CHRNA10: variants seen among roughly 807,000 people sequenced by gnomAD.
The protein encoded by CHRNA10 is cholinergic receptor nicotinic alpha 10 subunit.
CHRNA10 carries 31 observed loss-of-function variants against 36.0 expected under a neutral mutation model. That is an observed-to-expected ratio of 0.86 (90% confidence interval 0.65 to 1.16). CHRNA10 has a LOEUF of 1.16. Ranked by LOEUF, CHRNA10 falls within the 50% of genes most tolerant of loss-of-function variation. The pLI is 0.00. For synonymous variants in CHRNA10, 302 were observed against 287.0 expected (o/e 1.05, Z -0.53); for missense variants, 648 against 640.9 (o/e 1.01, Z -0.12).
chr11:3,666,354 G>A lies in CHRNA10; in HGVS notation c.1106C>T (p.Pro369Leu). The change falls in exon 5 of 5, where the codon CCC becomes CTC. Residue 369 changes from proline (P) to leucine (L), a missense_variant. Pro to Leu is a moderately conservative substitution (Grantham distance 98, BLOSUM62 -3). Coordinates refer to ENST00000250699, the MANE Select transcript of CHRNA10 (RefSeq NM_020402.4). ...GCCAGCCCCTCCTTCAGGCGACTGG[G>A]GGCTAGGAGATAACTCAGGTGGCCT... ...QSRPPELSPS[P>L]QSPEGGAGPP... 1 of 1,613,474 alleles carries A rather than the reference G, an allele frequency of 6.2e-7. No homozygotes were observed. The highest frequency in any genetic ancestry group is 8.5e-7 in the Non-Finnish European group (1 of 1,179,972).
At position 3,665,803 on chromosome 11, in the gene CHRNA10, C is replaced by A; in HGVS notation, c.*304G>T. 6.7e-6 allele frequency: 2 copies of A among 300,702 alleles called. No homozygotes were observed. The highest frequency in any genetic ancestry group is 6.1e-6 in the Non-Finnish European group (1 of 162,908). 18.6% of individuals were successfully genotyped at this position (300,702 alleles called of 1,614,324 possible). The stretch of plus-strand genomic sequence containing the variant: ...TTTCTCATTATAACCCATGTGCTCC[C>A]CACTGAGAGCTCCAATACCCAGCAC... On this transcript the variant is annotated 3_prime_UTR_variant, in exon 5 of 5. Coordinates refer to ENST00000250699, the MANE Select transcript of CHRNA10 (RefSeq NM_020402.4).
chr11:3,671,306 G>A lies in CHRNA10; in HGVS notation c.7C>T (p.Leu3Phe). The change falls in exon 1 of 5, where the codon CTC becomes TTC. Residue 3 changes from leucine to phenylalanine, a missense_variant. Coordinates refer to ENST00000250699, the MANE Select transcript of CHRNA10 (RefSeq NM_020402.4). The stretch of plus-strand genomic sequence containing the variant: ...CCCAGGCTGAGGTGGTGGCTCCGGA[G>A]CCCCATGGCCCTGGCACTGCAAGAG... Reference protein sequence around the residue: MGLRSHHLSLGLL... With the variant: MGFRSHHLSLGLL... 1 of 1,614,068 alleles carries A rather than the reference G, an allele frequency of 6.2e-7. No homozygotes were observed. The highest frequency in any genetic ancestry group is 8.5e-7 in the Non-Finnish European group (1 of 1,179,952).
chr11:3,668,813 G>C (rs540513554), intron 3 of CHRNA10: 1 of 162,446 alleles, frequency 6.2e-6, no homozygotes, highest in African/African-American at 2.4e-5. Flanking sequence ...TGGGAGACAC[G>C]GAACTGGTCA....
rs76101217 is a variant in CHRNA10 at position 3,666,454 on chromosome 11, C to G, written c.1006G>C (p.Ala336Pro). Residue 336 changes from alanine to proline, a missense_variant, in exon 5 of 5, where the codon GCT becomes CCT. Transcript: ENST00000250699. ...GPSVRPVPAW[A>P]RALLLGHLAR... ...AGGTGTCCCAGCAGGAGGGCCCTAG[C>G]CCAGGCTGGCACTGGGCGGACACTG... is the stretch of plus-strand genomic sequence containing the variant. 6.2e-7 allele frequency: 1 copy of G among 1,613,716 alleles called. No homozygotes were observed. The highest frequency in any genetic ancestry group is 1.3e-5 in the African/African-American group (1 of 75,062).
chr11:3,666,387 C>T lies in CHRNA10; in HGVS notation c.1073G>A (p.Gly358Glu). ...AGATAACTCAGGTGGCCTGGACTGCCCACAGGGCTCCCCTCTTTCCCGCAC... is the reference window on the plus strand; with the variant it reads ...AGATAACTCAGGTGGCCTGGACTGCTCACAGGGCTCCCCTCTTTCCCGCAC... Reference protein sequence around the residue: ...LCVRERGEPCGQSRPPELSPS... With the variant: ...LCVRERGEPCEQSRPPELSPS... The change falls in exon 5 of 5, where the codon GGG (glycine) becomes GAG (glutamate). Residue 358 changes from glycine to glutamate, a missense_variant. Transcript: ENST00000250699. 1 of 1,613,770 alleles carries T rather than the reference C, an allele frequency of 6.2e-7. No individual in the cohort carries two copies. Among genetic ancestry groups the T allele is most frequent in the Non-Finnish European group, 8.5e-7 (1 of 1,180,002 alleles).
chr11:3,667,093 T>G (rs2077668038), intron 4 of CHRNA10, 139 bp downstream of exon 4: 2 of 1,355,412 alleles, frequency 1.5e-6, no homozygotes, highest in Middle Eastern at 2.7e-4. Flanking sequence ...CCCTCAGTCT[T>G]AAAATGAGGG....
Position 3,667,511 on chromosome 11 carries a change from CCAG to C in CHRNA10, c.613_615del (p.Leu205del). The C allele has an allele frequency of 6.3e-7, 1 of 1,583,442 alleles. No homozygotes were observed. On this transcript the variant is annotated inframe_deletion, in exon 4 of 5. Transcript: ENST00000250699. ...AGCACGCGCCGCCGCGCCGGCATGC[CCAG>C]CACGCGCCACTCCACGTTCTCCACG... is the stretch of plus-strand genomic sequence containing the variant.
intron 1 of CHRNA10, among the ~76,000 whole-genome samples, chr11:3,670,791 C>T (rs1199827630): frequency 6.6e-6 from 1 of 152,216 alleles, no homozygotes; most frequent in Non-Finnish European, 1.5e-5. Context: ...TTTTGCGAAA[C>T]ATCGTCTTGA....
At chr11:3,668,504 CTG>C (rs1277259333) in intron 3 of CHRNA10, 6 of 152,206 alleles carry the variant, frequency 3.9e-5, no homozygotes, top group African/African-American at 1.2e-4. Context: ...CAGAGCGAGA[CTG>C]TGTCTCAAAT....
Sources: gnomAD v4.1 joint callset for allele counts (sites outside exome capture counted in the v4.1 genomes callset) on GRCh38, gnomAD v4.1.1 for gene constraint, MANE v1.5 for transcripts, NCBI Gene and HGNC (gene_info 2026-07-23, HGNC 2026-07-21) for gene names.